Variants in EML1 observed in about 807,000 individuals in gnomAD.
The protein encoded by EML1 is echinoderm microtubule-associated protein-like 1.
Under a neutral mutation model 110.4 loss-of-function variants are expected in EML1, and 27 were observed. The ratio of observed to expected loss-of-function variants is 0.24; its 90% CI spans 0.18 to 0.34. The LOEUF (loss-of-function observed/expected upper bound fraction) is 0.34. EML1 is among the 10% of genes least tolerant of loss of function. The probability of loss-of-function intolerance (pLI) is 1.00; values close to 1 mark genes in which losing one functional copy is unlikely to be tolerated. For missense variants in EML1, 741 were observed against 1,030.9 expected, an observed-to-expected ratio of 0.72 and a Z score of 3.85; for synonymous variants, 344 against 385.8, an observed-to-expected ratio of 0.89 and a Z score of 1.27.
intron 1 of EML1, chr14:99,737,878 A>G: frequency 7.8e-7 from 1 of 1,288,412 alleles, no homozygotes; most frequent in Non-Finnish European, 1.0e-6. Flanking sequence ...GCAGCGCTAT[A>G]TTTACCCGCT....
chr14:99,763,086 T>G lies in EML1; in HGVS notation c.28+25226T>G, dbSNP rs2057331403. On this transcript the variant is annotated intron_variant, in intron 1 of 10. Transcript: ENST00000554479. The stretch of plus-strand genomic sequence containing the variant: ...TAGTAAGTATCACGAGATCTGACAG[T>G]TTTATAAGGGAGAGTTTCCCTGCAC... Among the ~76,000 whole-genome samples, 4 of 152,158 alleles carry G rather than the reference T, an allele frequency of 2.6e-5. No individual in the cohort carries two copies. The South Asian group carries it at 6.2e-4, about 24-fold the overall frequency.
intron 3 of EML1, among the ~76,000 whole-genome samples, chr14:99,875,913 C>T (rs951841762): frequency 1.3e-5 from 2 of 152,206 alleles, no homozygotes; most frequent in Non-Finnish European, 2.9e-5. Flanking sequence ...GCACACCCTG[C>T]AGATTGCAGT....
intron 13 of EML1, 80 bp downstream of exon 13, chr14:99,911,656 C>A: frequency 6.7e-7 from 1 of 1,483,414 alleles, no homozygotes; most frequent in South Asian, 1.3e-5. Context: ...AAATCTGTAT[C>A]TTACAGTTTT....
chr14:99,842,856 G>A (rs1464185989), intron 1 of EML1, among the ~76,000 whole-genome samples: 1 of 152,142 alleles, frequency 6.6e-6, no homozygotes, highest in Non-Finnish European at 1.5e-5. Flanking sequence ...CCTCAATCCT[G>A]TGCTGGCAGC....
rs1174912391 is a variant in EML1, at chr14:99,939,888, T to C, written c.2323-99T>C. 2.9e-6 allele frequency: 4 copies of C among 1,377,450 alleles called. No homozygotes were observed. The highest frequency in any genetic ancestry group is 3.0e-5 in the African/African-American group (2 of 67,276). The allele number at this position is 1,377,450 out of a possible 1,614,324, so 85.3% of individuals were successfully genotyped here. ...TGAGAGCTGCCGAGCGGAGGGCGAGTAAAGGAATTAAGGCATGCAGTGAGA... is the reference window on the plus strand; with the variant it reads ...TGAGAGCTGCCGAGCGGAGGGCGAGCAAAGGAATTAAGGCATGCAGTGAGA... On this transcript the variant is annotated intron_variant, in intron 21 of 21. Transcript: ENST00000262233. This position sits in a 1 kb window ranked among gnomAD's most constrained non-coding sequence, Gnocchi z 4.2.
At chr14:99,907,938 A>G (rs970756815) in intron 10 of EML1, among the ~76,000 whole-genome samples, 2 of 152,166 alleles carry the variant, frequency 1.3e-5, no homozygotes, top group East Asian at 1.9e-4. Context: ...TCTTTTCGCC[A>G]TGTCTGTAAG....
Position 99,937,805 on chromosome 14 carries a change from T to C in EML1, c.2096-12T>C, listed in dbSNP as rs956559671. ...TTGGCTTAGATGTTGCCAGACTGTT[T>C]GCTTTTTGCAGGGGTTCCCTCTGCC... On this transcript the variant is annotated splice_polypyrimidine_tract_variant and intron_variant, in intron 19 of 21. Coordinates refer to ENST00000262233, the MANE Select transcript of EML1 (RefSeq NM_004434.3). The C allele has an allele frequency of 1.9e-6, 3 of 1,613,410 alleles. No homozygotes were observed. The highest frequency in any genetic ancestry group is 2.5e-6 in the Non-Finnish European group (3 of 1,179,480).
rs369931317 is a variant in EML1 at position 99,815,211 on chromosome 14, G to A, written c.67+21668G>A. ...GGCTGGAGTGCAGTGGCGCGATCTCGGCTCACTGCAAGCTCCACCTCCCGG... is the reference window on the plus strand; with the variant it reads ...GGCTGGAGTGCAGTGGCGCGATCTCAGCTCACTGCAAGCTCCACCTCCCGG... On this transcript the variant is annotated intron_variant, in intron 1 of 21. Transcript: ENST00000262233. 1.2e-4 allele frequency among the ~76,000 whole-genome samples: 18 copies of A among 148,056 alleles called. No homozygotes were observed. In the East Asian group the frequency reaches 2.2e-3, roughly 18 times the overall value.
intron 12 of EML1, 49 bp from the exon 13 acceptor site, chr14:99,911,373 A>G: frequency 1.9e-6 from 3 of 1,538,982 alleles, no homozygotes; most frequent in Non-Finnish European, 2.6e-6. Flanking sequence ...AAATGGGCAG[A>G]GGCAACCTTT....
intron 1 of EML1, among the ~76,000 whole-genome samples, chr14:99,810,173 C>T (rs1366471779): frequency 2.0e-5 from 3 of 152,192 alleles, no homozygotes; most frequent in African/African-American, 7.2e-5. Flanking sequence ...ACAGCATTCA[C>T]CTGTCACCGT....
intron 16 of EML1, among the ~76,000 whole-genome samples, chr14:99,918,762 CTA>C (rs2140076608): frequency 6.6e-6 from 1 of 152,232 alleles, no homozygotes; most frequent in African/African-American, 2.4e-5. Context: ...CTGCATCGCA[CTA>C]TGATTGCACC....
chr14:99,795,578 G>A (rs2057755710), intron 1 of EML1, among the ~76,000 whole-genome samples: 1 of 152,182 alleles, frequency 6.6e-6, no homozygotes, highest in South Asian at 2.1e-4. Context: ...AACATTTTAA[G>A]AGGCTTTCAT....
At chr14:99,855,305 T>C (rs2058883945) in intron 2 of EML1, among the ~76,000 whole-genome samples, 1 of 152,234 alleles carries the variant, frequency 6.6e-6, no homozygotes, top group Non-Finnish European at 1.5e-5. Flanking sequence ...AGTTTCTAAA[T>C]GTTCTGTGGT....
chr14:99,850,166 T>G, intron 1 of EML1: 1 of 570,958 alleles, frequency 1.8e-6, no homozygotes, highest in Non-Finnish European at 3.0e-6. Flanking sequence ...ATCAAACTCC[T>G]GCGCTCAAGC....
At chr14:99,869,600 G>A (rs2059159952) in intron 3 of EML1, among the ~76,000 whole-genome samples, 1 of 152,220 alleles carries the variant, frequency 6.6e-6, no homozygotes, top group Admixed American at 6.5e-5. Flanking sequence ...GCTTAATGAG[G>A]AAGACATGTC....
At chr14:99,755,766 G>C (rs567553181) in intron 1 of EML1, among the ~76,000 whole-genome samples, 117 of 152,312 alleles carry the variant, frequency 7.7e-4, no homozygotes, top group Admixed American at 1.5e-3. Context: ...CAAGGGGCAG[G>C]GTGGGGAAAC....
chr14:99,748,291 C>T (rs1008236714), intron 1 of EML1, among the ~76,000 whole-genome samples: 14 of 152,136 alleles, frequency 9.2e-5, no homozygotes, highest in Admixed American at 6.5e-4. Flanking sequence ...GAGCTTGCCC[C>T]GAGGCTGCGG....
rs1294538713 is a variant in EML1 at position 99,784,831 on chromosome 14, G to A, written c.-27+10818G>A. 1.3e-5 allele frequency among the ~76,000 whole-genome samples: 2 copies of A among 152,186 alleles called. No homozygotes were observed. The highest frequency in any genetic ancestry group is 2.4e-5 in the African/African-American group (1 of 41,438). On this transcript the variant is annotated intron_variant, in intron 1 of 22. Coordinates refer to the EML1 transcript ENST00000327921. This position sits in a 1 kb window ranked among gnomAD's most constrained non-coding sequence, Gnocchi z 4.5. The stretch of plus-strand genomic sequence containing the variant: ...TCCCTGTGTGAGGCTCCCAGCCAGG[G>A]GCATGGCCAAGGAGCTCACAGACTG...
chr14:99,885,188 C>T (rs2059453239), intron 4 of EML1, among the ~76,000 whole-genome samples: 1 of 152,218 alleles, frequency 6.6e-6, no homozygotes. Context: ...TACGATCAGG[C>T]ATCACTTAAT....
Sources: gnomAD v4.1 joint callset for allele counts (sites outside exome capture counted in the v4.1 genomes callset) on GRCh38, gnomAD v4.1.1 for gene constraint, Gnocchi (gnomAD v3.1) non-coding constraint, MANE v1.5 for transcripts, NCBI Gene and HGNC (gene_info 2026-07-23, HGNC 2026-07-21) for gene names.